LCOR: variants seen among roughly 807,000 people sequenced by gnomAD.
The protein encoded by LCOR is ligand dependent nuclear receptor corepressor.
A neutral mutation model predicts 64.4 loss-of-function variants in LCOR; 14 were observed. The observed-to-expected ratio is 0.22, with a 90% CI of 0.14 to 0.34. The LOEUF is 0.34. Among genes scored for constraint, LCOR ranks in the 10% least tolerant of loss-of-function variants. The probability of loss-of-function intolerance (pLI) is 1.00; values close to 1 mark genes in which losing one functional copy is unlikely to be tolerated. For synonymous variants in LCOR, 643 were observed against 642.5 expected, an observed-to-expected ratio of 1.00 and a Z score of -0.01; for missense variants, 1,686 against 1,765.3, an observed-to-expected ratio of 0.96 and a Z score of 0.80.
intron 4 of LCOR, among the ~76,000 whole-genome samples, chr10:96,941,072 C>G (rs1377373924): frequency 4.2e-5 from 5 of 120,034 alleles, no homozygotes; most frequent in Admixed American, 1.5e-4. Context: ...ACCCCCCCCC[C>G]GCCTCCCTCC....
chr10:96,858,526 G>A (rs1845839775), intron 2 of LCOR, among the ~76,000 whole-genome samples: 1 of 152,196 alleles, frequency 6.6e-6, no homozygotes, highest in Admixed American at 6.5e-5. Context: ...ATAATTGTAG[G>A]CATAATAAAG....
chr10:96,958,129 G>T (rs181619932), intron 7 of LCOR: 2 of 1,177,298 alleles, frequency 1.7e-6, no homozygotes, highest in East Asian at 3.8e-5. Flanking sequence ...ACCTTTTTGC[G>T]TAATGTTTGG....
chr10:96,832,784 G>A (rs1306554305), intron 1 of LCOR, among the ~76,000 whole-genome samples: 7 of 150,484 alleles, frequency 4.7e-5, no homozygotes, highest in Admixed American at 4.6e-4. Flanking sequence ...GCCTCGCGGC[G>A]CTGCCGCTGT....
At chr10:96,937,213 G>A (rs1284087856) in intron 4 of LCOR, among the ~76,000 whole-genome samples, 1 of 152,192 alleles carries the variant, frequency 6.6e-6, no homozygotes, top group African/African-American at 2.4e-5. Flanking sequence ...GAGTTACACT[G>A]CCACAAGGCA....
chr10:96,854,096 T>C (rs1452888220), intron 2 of LCOR, among the ~76,000 whole-genome samples: 1 of 152,084 alleles, frequency 6.6e-6, no homozygotes, highest in Non-Finnish European at 1.5e-5. Context: ...ATGACAGAAA[T>C]ACGCAAAGAA....
At chr10:96,916,210 T>C (rs1028573353) in intron 4 of LCOR, among the ~76,000 whole-genome samples, 3 of 151,936 alleles carry the variant, frequency 2.0e-5, no homozygotes, top group African/African-American at 7.3e-5. Flanking sequence ...TTTTTGTATT[T>C]TTAGTAGAGA....
At chr10:96,960,922 G>A (rs914666746) in intron 7 of LCOR, 2 of 152,076 alleles carry the variant, frequency 1.3e-5, no homozygotes, top group African/African-American at 4.8e-5. Flanking sequence ...AAAAATAGAG[G>A]ACATTATTTG....
chr10:96,851,692 A>T (rs916153855), intron 2 of LCOR, among the ~76,000 whole-genome samples: 1 of 152,194 alleles, frequency 6.6e-6, no homozygotes, highest in East Asian at 1.9e-4. Flanking sequence ...TTCTTAGAGG[A>T]TCCACTTCTG....
chr10:96,955,618 A>G lies in LCOR; in HGVS notation c.332+3422A>G, dbSNP rs1163920471. 6.2e-7 allele frequency: 1 copy of G among 1,614,008 alleles called. No homozygotes were observed. The highest frequency in any genetic ancestry group is 1.3e-5 in the African/African-American group (1 of 74,912). ...TATCCCACATCGGATCAAGAAGGAGACCCTGGCTCCAAGCAGCCTCGGAAG... is the reference window on the plus strand; with the variant it reads ...TATCCCACATCGGATCAAGAAGGAGGCCCTGGCTCCAAGCAGCCTCGGAAG... On this transcript the variant is annotated intron_variant, in intron 7 of 7. Coordinates refer to ENST00000421806, the MANE Select transcript of LCOR (RefSeq NM_001346516.2).
At chr10:96,833,041 C>A in intron 1 of LCOR, 1 of 986,094 alleles carries the variant, frequency 1.0e-6, no homozygotes. Flanking sequence ...AGTGGGGTGT[C>A]ATGGCCGCGG....
chr10:96,949,683 C>T (rs1847644846), intron 6 of LCOR, among the ~76,000 whole-genome samples: 1 of 152,072 alleles, frequency 6.6e-6, no homozygotes, highest in Admixed American at 6.6e-5. Context: ...AGAAATATGC[C>T]TCTACTTGCA....
intron 2 of LCOR, among the ~76,000 whole-genome samples, chr10:96,900,828 A>G (rs1846621503): frequency 6.7e-6 from 1 of 148,594 alleles, no homozygotes. Flanking sequence ...CATTGTCTTC[A>G]TTTTTCCTCT....
At chr10:96,957,805 G>A in intron 7 of LCOR, 1 of 985,628 alleles carries the variant, frequency 1.0e-6, no homozygotes, top group Non-Finnish European at 1.2e-6. Flanking sequence ...CATAGCTTGG[G>A]TGTGGGTTCC....
intron 4 of LCOR, among the ~76,000 whole-genome samples, chr10:96,919,746 A>G (rs1307358271): frequency 2.6e-5 from 4 of 152,188 alleles, no homozygotes; most frequent in African/African-American, 7.2e-5. Flanking sequence ...GTAGAATCAT[A>G]TAGTATTTGT....
intron 7 of LCOR, chr10:96,958,758 CT>C (rs1336341789): frequency 1.5e-5 from 4 of 265,188 alleles, no homozygotes; most frequent in Admixed American, 9.7e-5. Flanking sequence ...CTTTCTCTCT[CT>C]TTTTTTGAGT....
intron 4 of LCOR, among the ~76,000 whole-genome samples, chr10:96,931,266 C>G (rs991190007): frequency 2.0e-5 from 3 of 148,338 alleles, no homozygotes; most frequent in African/African-American, 7.5e-5. Context: ...TGGAGTCTTG[C>G]TCTGTTTCCC....
At chr10:96,930,060 A>G (rs1847231163) in intron 4 of LCOR, among the ~76,000 whole-genome samples, 1 of 152,236 alleles carries the variant, frequency 6.6e-6, no homozygotes, top group South Asian at 2.1e-4. Context: ...CATTAAAAAG[A>G]TTGAAATATT....
intron 4 of LCOR, among the ~76,000 whole-genome samples, chr10:96,923,113 T>C (rs1393034640): frequency 6.6e-6 from 1 of 152,208 alleles, no homozygotes; most frequent in East Asian, 1.9e-4. Flanking sequence ...ACATTTCCCC[T>C]AAGACTTGTT....
intron 1 of LCOR, among the ~76,000 whole-genome samples, chr10:96,832,665 C>A (rs868150320): frequency 1.3e-5 from 2 of 150,748 alleles, no homozygotes; most frequent in Admixed American, 6.6e-5. Context: ...GTTCCTCCCC[C>A]TCCCGCTCTC....
Sources: allele counts gnomAD v4.1 joint callset (sites outside exome capture counted in the v4.1 genomes callset), GRCh38; gene constraint gnomAD v4.1.1; transcripts MANE v1.5; gene names NCBI Gene and HGNC (gene_info 2026-07-23, HGNC 2026-07-21).